TGFA: variants seen among roughly 807,000 people sequenced by gnomAD.
TGFA encodes the protein protransforming growth factor alpha.
TGFA carries 12 observed loss-of-function variants against 21.7 expected under a neutral mutation model. The ratio of observed to expected loss-of-function variants is 0.55; its 90% CI spans 0.35 to 0.90. The LOEUF (loss-of-function observed/expected upper bound fraction) is 0.90. Among genes scored for constraint, TGFA ranks in the 40% least tolerant of loss-of-function variants. TGFA has a pLI of 0.01. For missense variants in TGFA, 178 were observed against 210.8 expected, an observed-to-expected ratio of 0.84 and a Z score of 0.96; for synonymous variants, 79 against 88.1, an observed-to-expected ratio of 0.90 and a Z score of 0.58.
intron 2 of TGFA, among the ~76,000 whole-genome samples, chr2:70,478,982 T>A (rs1184330229): frequency 6.6e-6 from 1 of 152,220 alleles, no homozygotes; most frequent in Non-Finnish European, 1.5e-5. Context: ...GCATGCTTAC[T>A]TCCTCCTTCT....
Position 70,455,582 on chromosome 2 carries a change from G to T in TGFA, c.365+757C>A, listed in dbSNP as rs114920007. Among the ~76,000 whole-genome samples the T allele has an allele frequency of 4.3e-3, 650 of 152,276 alleles. 3 individuals carry two copies. The highest frequency in any genetic ancestry group is 6.8e-3 in the Non-Finnish European group (462 of 68,014). ...GTAATTGTGGTTTTGGCCTTAAAAA[G>T]TAATGGTGAAAACTGCAATTACTTT... On this transcript the variant is annotated intron_variant, in intron 4 of 5. Coordinates refer to ENST00000295400, the MANE Select transcript of TGFA (RefSeq NM_003236.4).
At chr2:70,464,058 C>T (rs1381652398) in intron 3 of TGFA, among the ~76,000 whole-genome samples, 2 of 152,176 alleles carry the variant, frequency 1.3e-5, no homozygotes, top group Non-Finnish European at 2.9e-5. Context: ...GGCTCAGAGG[C>T]ACCCTGAGGG....
intron 1 of TGFA, chr2:70,553,352 A>C: frequency 5.4e-6 from 8 of 1,471,796 alleles, no homozygotes; most frequent in Non-Finnish European, 6.2e-6. Flanking sequence ...CCCAGTCTAC[A>C]CGCCAGCGAC....
intron 2 of TGFA, among the ~76,000 whole-genome samples, chr2:70,505,498 A>G (rs1671896039): frequency 1.3e-5 from 2 of 152,168 alleles, no homozygotes; most frequent in African/African-American, 4.8e-5. Flanking sequence ...AGGAAGATGC[A>G]TTTGTGGCAG....
At chr2:70,513,847 A>C (rs888649108) in intron 2 of TGFA, among the ~76,000 whole-genome samples, 3 of 152,206 alleles carry the variant, frequency 2.0e-5, no homozygotes, top group Non-Finnish European at 4.4e-5. Context: ...TGGGAGCAGA[A>C]GTTACTGAAA....
intron 2 of TGFA, among the ~76,000 whole-genome samples, chr2:70,490,761 G>A (rs1418715006): frequency 6.6e-6 from 1 of 152,124 alleles, no homozygotes; most frequent in South Asian, 2.1e-4. Flanking sequence ...CTGCCCTAAC[G>A]TTCTAGCCAC....
At chr2:70,522,051 T>G (rs1672490279) in intron 1 of TGFA, among the ~76,000 whole-genome samples, 1 of 152,230 alleles carries the variant, frequency 6.6e-6, no homozygotes, top group Non-Finnish European at 1.5e-5. Flanking sequence ...GAATCCTTAC[T>G]TTATTCTGCC....
chr2:70,506,411 CT>C (rs782800540), intron 2 of TGFA, among the ~76,000 whole-genome samples: 1 of 152,154 alleles, frequency 6.6e-6, no homozygotes, highest in Non-Finnish European at 1.5e-5. Context: ...TGGTTGATGA[CT>C]AAAAATGCAG....
At chr2:70,547,833 A>G (rs437457) in intron 1 of TGFA, among the ~76,000 whole-genome samples, 2 of 147,724 alleles carry the variant, frequency 1.4e-5, no homozygotes, top group South Asian at 4.2e-4. Flanking sequence ...CTATCTATAG[A>G]TATATATAGA....
chr2:70,502,008 G>A (rs1671752184), intron 2 of TGFA, among the ~76,000 whole-genome samples: 2 of 152,254 alleles, frequency 1.3e-5, no homozygotes, highest in Non-Finnish European at 2.9e-5. Context: ...CAGGTTCTGG[G>A]CACTTGCAGG....
At chr2:70,553,187 C>A in intron 1 of TGFA, 1 of 1,536,166 alleles carries the variant, frequency 6.5e-7, no homozygotes, top group Non-Finnish European at 8.7e-7. Flanking sequence ...AACCTACCCC[C>A]AAAGCTCAAG....
intron 2 of TGFA, among the ~76,000 whole-genome samples, chr2:70,500,682 T>C (rs1295385871): frequency 6.6e-6 from 1 of 152,170 alleles, no homozygotes; most frequent in African/African-American, 2.4e-5. Context: ...AAACAGACTG[T>C]CTGGTGCTAC....
intron 3 of TGFA, among the ~76,000 whole-genome samples, chr2:70,457,023 T>C (rs1670254939): frequency 6.6e-6 from 1 of 152,332 alleles, no homozygotes; most frequent in Middle Eastern, 3.4e-3. Flanking sequence ...GAGAAATCAC[T>C]ACTCTCCTGT....
chr2:70,489,254 C>G (rs561110507), intron 2 of TGFA, among the ~76,000 whole-genome samples: 5 of 152,354 alleles, frequency 3.3e-5, no homozygotes, highest in Non-Finnish European at 7.3e-5. Flanking sequence ...AAAAGGTGGG[C>G]GTTGGAATGC....
At chr2:70,512,565 GA>G (rs1553501073) in intron 2 of TGFA, among the ~76,000 whole-genome samples, 2 of 152,222 alleles carry the variant, frequency 1.3e-5, no homozygotes, top group Admixed American at 6.5e-5. Flanking sequence ...AAACCTCAGA[GA>G]TGTTCTCATA....
chr2:70,471,325 C>G (rs1352720175), intron 2 of TGFA, among the ~76,000 whole-genome samples: 1 of 152,166 alleles, frequency 6.6e-6, no homozygotes, highest in Non-Finnish European at 1.5e-5. Context: ...CCTAAGTGGA[C>G]AGGGAGGAGT....
chr2:70,463,776 G>A (rs370284969), intron 3 of TGFA, among the ~76,000 whole-genome samples: 2 of 152,198 alleles, frequency 1.3e-5, no homozygotes, highest in East Asian at 3.9e-4. Context: ...CTGATATCTG[G>A]GTCAAGAGGG....
intron 1 of TGFA, chr2:70,553,107 C>G (rs1553507062): frequency 6.8e-7 from 1 of 1,470,150 alleles, no homozygotes. Context: ...CTCCTGCCCT[C>G]GGCGGACACC....
rs77279736 is a variant in TGFA, at chr2:70,485,883, A to G, written c.95-20147T>C. Among the ~76,000 whole-genome samples the G allele has an allele frequency of 3.1e-3, 470 of 152,332 alleles. 1 individual carries two copies. Among genetic ancestry groups the G allele is most frequent in the African/African-American group, 0.011 (446 of 41,578 alleles). Reference sequence around the variant, plus strand: ...GATGAACAGTCAAGAAAGACCAGATACTTACTAATTGGCTACATCAGGGGC... The same window carrying G: ...GATGAACAGTCAAGAAAGACCAGATGCTTACTAATTGGCTACATCAGGGGC... On this transcript the variant is annotated intron_variant, in intron 2 of 5. Transcript: ENST00000295400.
Sources: gnomAD v4.1 joint callset for allele counts (sites outside exome capture counted in the v4.1 genomes callset) on GRCh38, gnomAD v4.1.1 for gene constraint, MANE v1.5 for transcripts, NCBI Gene and HGNC (gene_info 2026-07-23, HGNC 2026-07-21) for gene names.